Variants in SFMBT1 observed in about 807,000 individuals in gnomAD.
SFMBT1 encodes the protein Scm like with four mbt domains 1.
Under a neutral mutation model 108.7 loss-of-function variants are expected in SFMBT1, and 32 were observed. The ratio of observed to expected loss-of-function variants is 0.29; its 90% CI spans 0.22 to 0.40. The LOEUF (loss-of-function observed/expected upper bound fraction) is 0.40. SFMBT1 is among the 10% of genes least tolerant of loss of function. SFMBT1 has a pLI of 1.00. For missense variants in SFMBT1, 816 were observed against 1,059.6 expected, an observed-to-expected ratio of 0.77 and a Z score of 3.19; for synonymous variants, 348 against 369.5, an observed-to-expected ratio of 0.94 and a Z score of 0.67.
At chr3:52,945,702 G>T (rs1468859338) in intron 3 of SFMBT1, among the ~76,000 whole-genome samples, 5 of 151,476 alleles carry the variant, frequency 3.3e-5, no homozygotes, top group Non-Finnish European at 5.9e-5. Flanking sequence ...AGCTACTCAG[G>T]AGACAAAGGC....
At position 52,911,010 on chromosome 3, in the gene SFMBT1, G is replaced by A. The variant is rs762424873; in HGVS notation, c.1899C>T (p.Thr633=). The change falls in exon 17 of 21, where the codon ACC becomes ACT. Residue 633 remains threonine (T), a synonymous_variant. Transcript: ENST00000394752. ...TGGAAAAACATGACTCACTGTATTT[G>A]GTCTTTGTAAGTACAGAACAGTTCT... ...CSENCSVLTK[T]KYTHYYGKKK... The A allele has an allele frequency of 6.2e-7, 1 of 1,613,966 alleles. No homozygotes were observed. The highest frequency in any genetic ancestry group is 1.3e-5 in the African/African-American group (1 of 75,032).
intron 9 of SFMBT1, 49 bp from the exon 10 acceptor site, chr3:52,926,162 C>T: frequency 6.5e-7 from 1 of 1,543,688 alleles, no homozygotes; most frequent in Admixed American, 1.8e-5. Context: ...ACCACATACG[C>T]CTGCCTGGCT....
chr3:53,010,369 G>A (rs1414723596), intron 1 of SFMBT1, among the ~76,000 whole-genome samples: 1 of 152,196 alleles, frequency 6.6e-6, no homozygotes, highest in African/African-American at 2.4e-5. Flanking sequence ...AAGGCATCAA[G>A]AGAGAGCAGC....
intron 1 of SFMBT1, among the ~76,000 whole-genome samples, chr3:53,033,154 T>A (rs542020676): frequency 2.0e-5 from 3 of 152,042 alleles, no homozygotes; most frequent in Admixed American, 6.5e-5. Flanking sequence ...CAAAATTTTT[T>A]AATAAAATTT....
intron 1 of SFMBT1, among the ~76,000 whole-genome samples, chr3:52,980,294 T>C (rs567781474): frequency 4.4e-4 from 67 of 152,222 alleles, no homozygotes; most frequent in Middle Eastern, 3.4e-3. Flanking sequence ...AGCTATCTCC[T>C]GTTGCTATTG....
intron 1 of SFMBT1, among the ~76,000 whole-genome samples, chr3:53,033,102 G>A (rs1699743619): frequency 1.3e-5 from 2 of 152,056 alleles, no homozygotes; most frequent in Non-Finnish European, 2.9e-5. Context: ...GAGGCCAGGA[G>A]TTTGAGACCA....
chr3:52,939,398 AC>A (rs1372204786), intron 4 of SFMBT1, among the ~76,000 whole-genome samples: 1 of 151,958 alleles, frequency 6.6e-6, no homozygotes, highest in East Asian at 1.9e-4. Context: ...ACATGGTGAA[AC>A]CCCCTCTCAA....
intron 1 of SFMBT1, among the ~76,000 whole-genome samples, chr3:52,972,109 A>G (rs1211665045): frequency 6.6e-6 from 1 of 152,254 alleles, no homozygotes; most frequent in Admixed American, 6.5e-5. Context: ...TCAGTGCTAA[A>G]TAAATATCTG....
chr3:52,920,682 C>CA (rs1702497985), intron 11 of SFMBT1, 32 bp from the exon 12 acceptor site: 1 of 1,378,470 alleles, frequency 7.3e-7, no homozygotes, highest in African/African-American at 1.4e-5. Flanking sequence ...AACAAACAAA[C>CA]AAACAAACCT....
At position 52,965,997 on chromosome 3, in the gene SFMBT1, C is replaced by T. The variant is rs374915205; in HGVS notation, c.28+3104G>A. Among the ~76,000 whole-genome samples the T allele has an allele frequency of 9.7e-3, 970 of 100,148 alleles. 16 individuals carry two copies. Among genetic ancestry groups the T allele is most frequent in the African/African-American group, 0.038 (904 of 23,688 alleles). 65.7% of individuals were successfully genotyped at this position (100,148 alleles called of 152,430 possible). On this transcript the variant is annotated intron_variant, in intron 2 of 20. Transcript: ENST00000394752. ...CTCCAGCCTGAGCGACAGAGCAAGA[C>T]TCCGTTTCAAAAAAAAAAAAAAAAA... is the stretch of plus-strand genomic sequence containing the variant.
chr3:52,971,633 A>G (rs555842627), intron 1 of SFMBT1, among the ~76,000 whole-genome samples: 10 of 152,318 alleles, frequency 6.6e-5, no homozygotes, highest in African/African-American at 1.9e-4. Context: ...TCCTGCTTTC[A>G]TGGAGCTTAT....
intron 4 of SFMBT1, among the ~76,000 whole-genome samples, chr3:52,941,593 C>CAAAAAAAAA (rs145581859): frequency 3.1e-5 from 2 of 64,034 alleles, no homozygotes; most frequent in African/African-American, 5.8e-5. Flanking sequence ...GACTCTGTTT[C>CAAAAAAAAA]AAAAAAAAAA....
At chr3:53,009,152 G>A (rs1461703251) in intron 1 of SFMBT1, among the ~76,000 whole-genome samples, 1 of 151,636 alleles carries the variant, frequency 6.6e-6, no homozygotes, top group Admixed American at 6.6e-5. Context: ...CAGGAAGTGA[G>A]AATACCACTT....
chr3:52,955,270 A>G (rs1317918830), intron 2 of SFMBT1, among the ~76,000 whole-genome samples: 2 of 151,966 alleles, frequency 1.3e-5, no homozygotes, highest in African/African-American at 2.4e-5. Context: ...AAAATTAGCC[A>G]GGCATGGTGG....
At position 52,934,906 on chromosome 3, in the gene SFMBT1, A is replaced by G. The variant is rs933022921; in HGVS notation, c.365-5T>C. On this transcript the variant is annotated splice_polypyrimidine_tract_variant and splice_region_variant and intron_variant, in intron 4 of 20. Coordinates refer to ENST00000394752, the MANE Select transcript of SFMBT1 (RefSeq NM_016329.4). ...CAGATACTTTATCTCTGATGCCTAGATGAGGGAATAAATGACTGATTACTC... is the reference window on the plus strand; with the variant it reads ...CAGATACTTTATCTCTGATGCCTAGGTGAGGGAATAAATGACTGATTACTC... 1.2e-6 allele frequency: 2 copies of G among 1,610,186 alleles called. No individual in the cohort carries two copies. The highest frequency in any genetic ancestry group is 2.2e-5 in the East Asian group (1 of 44,860).
At chr3:52,918,339 A>C in intron 13 of SFMBT1, 145 bp downstream of exon 13, 1 of 563,232 alleles carries the variant, frequency 1.8e-6, no homozygotes, top group African/African-American at 2.0e-5. Flanking sequence ...AAATGCATAT[A>C]CTGCAAAGAG....
chr3:53,007,930 A>T (rs1698802663), intron 1 of SFMBT1, among the ~76,000 whole-genome samples: 2 of 152,202 alleles, frequency 1.3e-5, no homozygotes, highest in African/African-American at 4.8e-5. Context: ...CCCAAATTGA[A>T]GGACAGGCTA....
chr3:52,907,319 A>C lies in SFMBT1; in HGVS notation c.2086-5T>G. ...CTCATCTTCACCCCCACTTCCCTGC[A>C]GGAAAAGGAGAGAAGTCTCATTGAA... On this transcript the variant is annotated splice_polypyrimidine_tract_variant and splice_region_variant and intron_variant, in intron 18 of 20. Transcript: ENST00000394752. The C allele has an allele frequency of 6.2e-7, 1 of 1,609,064 alleles. No individual in the cohort carries two copies.
chr3:52,923,435 C>T (rs548752851), intron 10 of SFMBT1, among the ~76,000 whole-genome samples: 8 of 151,834 alleles, frequency 5.3e-5, no homozygotes, highest in African/African-American at 1.2e-4. Context: ...GGTGTGGTGG[C>T]GGGCCCTATA....
Sources: gnomAD v4.1 joint callset for allele counts (sites outside exome capture counted in the v4.1 genomes callset) on GRCh38, gnomAD v4.1.1 for gene constraint, MANE v1.5 for transcripts, NCBI Gene and HGNC (gene_info 2026-07-23, HGNC 2026-07-21) for gene names.